PPP1R14C: variants seen among roughly 807,000 people sequenced by gnomAD.
The protein encoded by PPP1R14C is protein phosphatase 1 regulatory inhibitor subunit 14C.
Under a neutral mutation model 20.4 loss-of-function variants are expected in PPP1R14C, and 16 were observed. The observed-to-expected ratio is 0.78, with a 90% confidence interval of 0.53 to 1.19. The LOEUF is 1.19. PPP1R14C is among the 50% of genes most tolerant of loss of function. PPP1R14C has a pLI of 0.00. For missense variants in PPP1R14C, 211 were observed against 220.1 expected (o/e 0.96, Z 0.26); for synonymous variants, 91 against 91.0 (o/e 1.00, Z 0.00).
In PPP1R14C at chr6:150,146,878, T is replaced by G. The variant is rs969872292; in HGVS notation, c.306+3380T>G. On this transcript the variant is annotated intron_variant, in intron 1 of 3. Coordinates refer to ENST00000361131, the MANE Select transcript of PPP1R14C (RefSeq NM_030949.3). ...TTATGGCAGGAGTGGGGCCCGGAGA[T>G]GTGGTCCCCTCTTACCCAGTCTAAG... 2.0e-5 allele frequency among the ~76,000 whole-genome samples: 3 copies of G among 152,260 alleles called. No individual in the cohort carries two copies. The East Asian group carries it at 5.8e-4, about 29-fold the overall frequency.
chr6:150,176,903 A>T (rs1173782118), intron 1 of PPP1R14C, among the ~76,000 whole-genome samples: 1 of 152,138 alleles, frequency 6.6e-6, no homozygotes, highest in African/African-American at 2.4e-5. Flanking sequence ...AAGAGGGAGG[A>T]GAGATCACGA....
intron 3 of PPP1R14C, among the ~76,000 whole-genome samples, chr6:150,230,689 T>G (rs1778284085): frequency 6.6e-6 from 1 of 152,204 alleles, no homozygotes. Context: ...AGCAGGGATT[T>G]TAAGCATTTC....
chr6:150,163,387 T>A (rs1582898775), intron 1 of PPP1R14C, among the ~76,000 whole-genome samples: 1 of 152,126 alleles, frequency 6.6e-6, no homozygotes, highest in East Asian at 1.9e-4. Context: ...CAAGACTCCG[T>A]CTCAAAAACA....
At chr6:150,162,154 A>G (rs1244542598) in intron 1 of PPP1R14C, among the ~76,000 whole-genome samples, 2 of 151,422 alleles carry the variant, frequency 1.3e-5, no homozygotes, top group Admixed American at 6.6e-5. Flanking sequence ...TCCTGGGTTC[A>G]AGTGATTCTT....
intron 1 of PPP1R14C, among the ~76,000 whole-genome samples, chr6:150,198,646 T>C (rs1317794659): frequency 6.6e-6 from 1 of 152,216 alleles, no homozygotes; most frequent in Non-Finnish European, 1.5e-5. Flanking sequence ...AGCAATGCCA[T>C]CTGTTCTCAG....
chr6:150,218,117 A>C (rs989421664), intron 3 of PPP1R14C, among the ~76,000 whole-genome samples: 1 of 152,028 alleles, frequency 6.6e-6, no homozygotes, highest in African/African-American at 2.4e-5. Flanking sequence ...TAAGAAAAAA[A>C]AATTGGCCTG....
intron 2 of PPP1R14C, among the ~76,000 whole-genome samples, chr6:150,216,450 G>A (rs545253995): frequency 6.6e-6 from 1 of 151,894 alleles, no homozygotes; most frequent in African/African-American, 2.4e-5. Flanking sequence ...AGCTGAGATC[G>A]CACCACTGCA....
chr6:150,248,575 G>T (rs192428089), intron 3 of PPP1R14C, among the ~76,000 whole-genome samples, 171 bp from the exon 4 acceptor site: 80 of 152,344 alleles, frequency 5.3e-4, no homozygotes, highest in Non-Finnish European at 1.1e-3. Context: ...TGAAGTTTTA[G>T]TATTCTTGAT....
intron 1 of PPP1R14C, among the ~76,000 whole-genome samples, chr6:150,146,025 T>C (rs181839021): frequency 6.6e-6 from 1 of 152,296 alleles, no homozygotes; most frequent in Non-Finnish European, 1.5e-5. Flanking sequence ...CTGTCTGTGT[T>C]TTTTTCTGGA....
intron 1 of PPP1R14C, among the ~76,000 whole-genome samples, chr6:150,202,853 A>T (rs1269035862): frequency 1.3e-5 from 2 of 152,174 alleles, no homozygotes; most frequent in African/African-American, 4.8e-5. Flanking sequence ...TTTTGTTTTA[A>T]TTTAATCACT....
At chr6:150,151,651 TA>T in intron 1 of PPP1R14C, among the ~76,000 whole-genome samples, 1 of 152,356 alleles carries the variant, frequency 6.6e-6, no homozygotes, top group South Asian at 2.1e-4. Flanking sequence ...TCTTACCTCA[TA>T]CCATCAATCC....
intron 2 of PPP1R14C, among the ~76,000 whole-genome samples, chr6:150,215,918 C>T (rs1483622059): frequency 1.3e-5 from 2 of 152,114 alleles, no homozygotes; most frequent in Non-Finnish European, 2.9e-5. Context: ...TGAATATCCA[C>T]CAAGTTGGCA....
intron 3 of PPP1R14C, among the ~76,000 whole-genome samples, chr6:150,237,010 C>T (rs1042734290): frequency 1.3e-5 from 2 of 152,064 alleles, no homozygotes; most frequent in Middle Eastern, 3.2e-3. Context: ...ACAGCTTCCT[C>T]AGAAGAAACA....
intron 1 of PPP1R14C, among the ~76,000 whole-genome samples, chr6:150,208,217 G>A (rs1189997704): frequency 1.3e-5 from 2 of 152,136 alleles, no homozygotes; most frequent in Non-Finnish European, 2.9e-5. Context: ...ACCATAGCAG[G>A]GAGGATGTAG....
intron 3 of PPP1R14C, among the ~76,000 whole-genome samples, chr6:150,235,716 T>C (rs1351491610): frequency 2.0e-5 from 3 of 152,194 alleles, no homozygotes; most frequent in Non-Finnish European, 4.4e-5. Flanking sequence ...TTTTTTTCCC[T>C]GCTTTGCCTC....
chr6:150,166,985 C>A (rs1265626863), intron 1 of PPP1R14C, among the ~76,000 whole-genome samples: 1 of 152,142 alleles, frequency 6.6e-6, no homozygotes, highest in Non-Finnish European at 1.5e-5. Context: ...AATCCTAGCA[C>A]TTTGGGAGGC....
intron 3 of PPP1R14C, 87 bp from the exon 4 acceptor site, chr6:150,248,659 G>A: frequency 1.2e-6 from 1 of 828,978 alleles, no homozygotes; most frequent in South Asian, 1.5e-5. Context: ...AAGGTTAACT[G>A]CAGTTGACAT....
chr6:150,166,598 T>C (rs1313821902), intron 1 of PPP1R14C, among the ~76,000 whole-genome samples: 2 of 152,198 alleles, frequency 1.3e-5, no homozygotes, highest in East Asian at 3.9e-4. Context: ...AAAATGGGGC[T>C]GCCTCCGCCA....
intron 1 of PPP1R14C, among the ~76,000 whole-genome samples, chr6:150,211,079 C>A (rs528033704): frequency 3.9e-5 from 6 of 152,360 alleles, no homozygotes; most frequent in African/African-American, 1.4e-4. Flanking sequence ...TCACCTCCTC[C>A]CTCCTGTGTG....
Sources: allele counts gnomAD v4.1 joint callset (sites outside exome capture counted in the v4.1 genomes callset), GRCh38; gene constraint gnomAD v4.1.1; transcripts MANE v1.5; gene names NCBI Gene and HGNC (gene_info 2026-07-23, HGNC 2026-07-21).